CEP126: variants seen among roughly 807,000 people sequenced by gnomAD.
CEP126 encodes the protein centrosomal protein 126, also known as centrosomal protein of 126 kDa.
Under a neutral mutation model 107.8 loss-of-function variants are expected in CEP126, and 74 were observed. The ratio of observed to expected loss-of-function variants is 0.69; its 90% CI spans 0.57 to 0.83. The LOEUF is 0.83. Among genes scored for constraint, CEP126 ranks in the 40% least tolerant of loss-of-function variants. The pLI is 0.00. For synonymous variants in CEP126, 449 were observed against 446.0 expected (o/e 1.01, Z -0.08); for missense variants, 1,237 against 1,281.9 (o/e 0.96, Z 0.53).
intron 9 of CEP126, among the ~76,000 whole-genome samples, chr11:101,989,132 A>G (rs939811226): frequency 6.6e-6 from 1 of 152,164 alleles, no homozygotes; most frequent in Non-Finnish European, 1.5e-5. Context: ...CTCTAACCAC[A>G]ATGCAATTTA....
chr11:101,967,199 T>C (rs1282942881), intron 6 of CEP126, among the ~76,000 whole-genome samples: 1 of 151,954 alleles, frequency 6.6e-6, no homozygotes, highest in Non-Finnish European at 1.5e-5. Context: ...TTTTTTTATA[T>C]AGAGACAGGG....
intron 8 of CEP126, among the ~76,000 whole-genome samples, chr11:101,983,929 A>G (rs1053512343): frequency 6.6e-6 from 1 of 152,240 alleles, no homozygotes; most frequent in Non-Finnish European, 1.5e-5. Flanking sequence ...CACCAGGGAC[A>G]TCTTTTCTGA....
At chr11:101,971,343 C>T (rs1181253177) in intron 6 of CEP126, among the ~76,000 whole-genome samples, 1 of 151,842 alleles carries the variant, frequency 6.6e-6, no homozygotes, top group Non-Finnish European at 1.5e-5. Flanking sequence ...AAAAATAGTA[C>T]ATTGATCTAT....
In CEP126 at chr11:101,962,572, G is replaced by A. The variant is rs267602667; in HGVS notation, c.1537G>A (p.Glu513Lys). The A allele has an allele frequency of 6.2e-7, 1 of 1,613,344 alleles. No homozygotes were observed. The highest frequency in any genetic ancestry group is 1.7e-4 in the Middle Eastern group (1 of 6,060). ...GATAAAATATTTTAATTGCAATAAG[G>A]AAGAGTTGCCTTTATTTTCAGACAG... ...EEIKYFNCNK[E>K]ELPLFSDSFQ... Residue 513 changes from glutamate (E) to lysine (K), a missense_variant, in exon 6 of 11, where the codon GAA becomes AAA. This residue lies in a region of CEP126 where 1,134 missense variants were observed against 1,150.5 expected (regional missense o/e 0.99). Transcript: ENST00000263468.
chr11:101,933,840 A>T (rs558583916), intron 2 of CEP126, among the ~76,000 whole-genome samples: 1 of 143,128 alleles, frequency 7.0e-6, no homozygotes, highest in Non-Finnish European at 1.5e-5. Context: ...AACAATTAAG[A>T]CTTAAAGCAA....
intron 8 of CEP126, among the ~76,000 whole-genome samples, chr11:101,982,433 A>C (rs1330279575): frequency 2.0e-5 from 3 of 152,200 alleles, no homozygotes; most frequent in Non-Finnish European, 4.4e-5. Flanking sequence ...CATATTTGCT[A>C]TAGACAGAAA....
chr11:101,953,293 A>G (rs1443448342), intron 4 of CEP126, among the ~76,000 whole-genome samples: 1 of 152,202 alleles, frequency 6.6e-6, no homozygotes, highest in East Asian at 1.9e-4. Context: ...CATTTTTACC[A>G]TAATCAATGT....
chr11:101,934,281 T>G (rs1318332081), intron 2 of CEP126, among the ~76,000 whole-genome samples: 2 of 152,126 alleles, frequency 1.3e-5, no homozygotes, highest in Non-Finnish European at 2.9e-5. Context: ...AGTGTCTGCA[T>G]AGACCATTCA....
chr11:101,915,205 C>T lies in CEP126; in HGVS notation c.-80C>T. 6.3e-7 allele frequency: 1 copy of T among 1,582,038 alleles called. No homozygotes were observed. Among genetic ancestry groups the T allele is most frequent in the Non-Finnish European group, 8.6e-7 (1 of 1,162,358 alleles). On this transcript the variant is annotated 5_prime_UTR_variant, in exon 1 of 11. Coordinates refer to ENST00000263468, the MANE Select transcript of CEP126 (RefSeq NM_020802.4). ...CTGAGAGACGGAGTGTAGGGAGGGGCCGAGCAGGAGGAGGAGGAAGCCGGA... is the reference window on the plus strand; with the variant it reads ...CTGAGAGACGGAGTGTAGGGAGGGGTCGAGCAGGAGGAGGAGGAAGCCGGA...
intron 6 of CEP126, among the ~76,000 whole-genome samples, chr11:101,976,378 T>C (rs780085089): frequency 4.6e-5 from 7 of 152,206 alleles, no homozygotes; most frequent in Non-Finnish European, 1.0e-4. Flanking sequence ...GTAAAAATAG[T>C]GATGATAATA....
At position 101,992,762 on chromosome 11, in the gene CEP126, G is replaced by T. The variant is rs1941400039; in HGVS notation, c.3245-16G>T. The T allele has an allele frequency of 2.3e-6, 3 of 1,311,792 alleles. No homozygotes were observed. Among genetic ancestry groups the T allele is most frequent in the Non-Finnish European group, 3.2e-6 (3 of 950,014 alleles). 81.3% of individuals were successfully genotyped at this position (1,311,792 alleles called of 1,614,324 possible). A position where few individuals can be genotyped will look rare whatever the true frequency, so the allele number is the denominator to read the frequency against. ...TGTAACTAAATTATTTTGGTATTGT[G>T]ATATAATTATTTCAGATATACAAGA... is the stretch of plus-strand genomic sequence containing the variant. On this transcript the variant is annotated splice_polypyrimidine_tract_variant and intron_variant, in intron 9 of 10. Transcript: ENST00000263468.
chr11:101,981,585 G>T (rs1286892295), intron 7 of CEP126, among the ~76,000 whole-genome samples: 1 of 152,098 alleles, frequency 6.6e-6, no homozygotes, highest in Non-Finnish European at 1.5e-5. Flanking sequence ...GAGCCACCGT[G>T]TCAGCCTAAT....
At chr11:101,994,150 G>T (rs184439465) in intron 10 of CEP126, among the ~76,000 whole-genome samples, 16 of 152,276 alleles carry the variant, frequency 1.1e-4, no homozygotes, top group Non-Finnish European at 2.1e-4. Context: ...CAGGAGAATC[G>T]CTTGAAACTG....
intron 1 of CEP126, among the ~76,000 whole-genome samples, chr11:101,922,049 T>C (rs1940336454): frequency 1.3e-5 from 2 of 151,778 alleles, no homozygotes; most frequent in South Asian, 2.1e-4. Context: ...CCTCCCAAAG[T>C]GTTGGGATTA....
chr11:101,956,465 T>C, intron 4 of CEP126: 1 of 456,548 alleles, frequency 2.2e-6, no homozygotes, highest in Non-Finnish European at 4.4e-6. Flanking sequence ...GCCCGAGGCC[T>C]TTGCAGATCA....
At chr11:101,933,029 A>C (rs1940524666) in intron 2 of CEP126, among the ~76,000 whole-genome samples, 1 of 152,198 alleles carries the variant, frequency 6.6e-6, no homozygotes, top group Non-Finnish European at 1.5e-5. Flanking sequence ...ACCAGGTACA[A>C]AGCATTGTGT....
intron 1 of CEP126, among the ~76,000 whole-genome samples, chr11:101,920,125 A>T (rs181203096): frequency 0.011 from 1,601 of 152,344 alleles, 13 homozygotes; most frequent in Non-Finnish European, 0.018. Context: ...AATTTTATTT[A>T]AAATGAAGGT....
intron 6 of CEP126, among the ~76,000 whole-genome samples, chr11:101,968,462 A>C (rs1296359244): frequency 6.6e-6 from 1 of 152,212 alleles, no homozygotes; most frequent in African/African-American, 2.4e-5. Context: ...TGTCAATAAA[A>C]TATTAGGAGA....
intron 4 of CEP126, among the ~76,000 whole-genome samples, chr11:101,952,137 A>G (rs1940821955): frequency 6.6e-6 from 1 of 152,206 alleles, no homozygotes; most frequent in South Asian, 2.1e-4. Context: ...AATTTCAACC[A>G]GAAGGAATAT....
Sources: gnomAD v4.1 joint callset for allele counts (sites outside exome capture counted in the v4.1 genomes callset) on GRCh38, gnomAD v4.1.1 for gene constraint, gnomAD v4.1.1 regional missense constraint, MANE v1.5 for transcripts, NCBI Gene and HGNC (gene_info 2026-07-23, HGNC 2026-07-21) for gene names.